PDE10A: variants seen among roughly 807,000 people sequenced by gnomAD.
The protein encoded by PDE10A is phosphodiesterase 10A.
Under a neutral mutation model 97.7 loss-of-function variants are expected in PDE10A, and 39 were observed. The observed-to-expected ratio is 0.40, with a 90% CI of 0.31 to 0.52. The LOEUF (loss-of-function observed/expected upper bound fraction) is 0.52, where lower values mean the gene tolerates loss of function less well. Among genes scored for constraint, PDE10A ranks in the 20% least tolerant of loss-of-function variants. The pLI, the probability that PDE10A is intolerant of heterozygous loss-of-function variation, is 0.56. For synonymous variants in PDE10A, 371 were observed against 376.8 expected (o/e 0.98, Z 0.18); for missense variants, 731 against 1,047.8 (o/e 0.70, Z 4.17).
chr6:165,630,975 T>C (rs1788602534), intron 1 of PDE10A, among the ~76,000 whole-genome samples: 1 of 152,156 alleles, frequency 6.6e-6, no homozygotes, highest in Non-Finnish European at 1.5e-5. Context: ...ATCAGCCCAG[T>C]GTAGTGAATT....
At chr6:165,969,554 G>A (rs987448315) in intron 1 of PDE10A, among the ~76,000 whole-genome samples, 1 of 152,050 alleles carries the variant, frequency 6.6e-6, no homozygotes, top group Non-Finnish European at 1.5e-5. Flanking sequence ...ACTATATTAG[G>A]CTGGCGCAAA....
intron 17 of PDE10A, among the ~76,000 whole-genome samples, chr6:165,381,907 C>T (rs1053848489): frequency 3.3e-5 from 5 of 152,124 alleles, no homozygotes; most frequent in Admixed American, 2.0e-4. Context: ...TCCAACCTCA[C>T]ATTTGTTAAC....
chr6:165,539,176 A>C lies in PDE10A; in HGVS notation c.994+4264T>G, dbSNP rs139067243. Among the ~76,000 whole-genome samples the C allele has an allele frequency of 8.5e-5, 13 of 152,326 alleles. No homozygotes were observed. In the East Asian group the frequency reaches 2.5e-3, roughly 29 times the overall value. ...CTAATTTCCATATATCACTGAAAAA[A>C]TGGTGGTTTGGAATTTAGGTTCAGA... On this transcript the variant is annotated intron_variant, in intron 2 of 21. Transcript: ENST00000539869.
chr6:165,586,289 C>A (rs1785907064), intron 1 of PDE10A, among the ~76,000 whole-genome samples: 1 of 152,118 alleles, frequency 6.6e-6, no homozygotes, highest in South Asian at 2.1e-4. Flanking sequence ...TAATGAGAAT[C>A]AAATAATATT....
chr6:165,578,872 A>G (rs1785462034), intron 1 of PDE10A, among the ~76,000 whole-genome samples: 1 of 152,194 alleles, frequency 6.6e-6, no homozygotes, highest in African/African-American at 2.4e-5. Flanking sequence ...CATCAGTGGG[A>G]TAAGAAGTGT....
At chr6:165,969,220 A>C (rs1285772060) in intron 1 of PDE10A, among the ~76,000 whole-genome samples, 1 of 152,214 alleles carries the variant, frequency 6.6e-6, no homozygotes, top group Non-Finnish European at 1.5e-5. Context: ...AGAAATCAAT[A>C]AGGTGGCAGA....
chr6:165,770,538 A>G (rs4709982), intron 1 of PDE10A, among the ~76,000 whole-genome samples: 103,226 of 152,040 alleles, frequency 0.68, 36,240 homozygotes, highest in East Asian at 0.9. Context: ...GTAAGATCTT[A>G]GAGACATGCC....
chr6:165,530,609 A>AC (rs66513062), intron 2 of PDE10A, among the ~76,000 whole-genome samples: 10,524 of 151,558 alleles, frequency 0.069, 466 homozygotes, highest in African/African-American at 0.11. Flanking sequence ...CTGCACATGT[A>AC]CCCCCCCCAC....
In PDE10A at chr6:165,331,251, G is replaced by C. The variant is rs539500682; in HGVS notation, c.*1774C>G. On this transcript the variant is annotated 3_prime_UTR_variant, in exon 22 of 22. Coordinates refer to ENST00000539869, the MANE Select transcript of PDE10A (RefSeq NM_001385079.1). ...ATGTGTGTGTATATATCTAGCCACA[G>C]TGGTACTTCTCTCTCTTTTGTTATT... The C allele has an allele frequency of 2.0e-5, 3 of 152,262 alleles. No individual in the cohort carries two copies. Among genetic ancestry groups the C allele is most frequent in the Non-Finnish European group, 4.4e-5 (3 of 67,998 alleles). 9.4% of individuals were successfully genotyped at this position (152,262 alleles called of 1,614,324 possible). A position where few individuals can be genotyped will look rare whatever the true frequency, so the allele number is the denominator to read the frequency against.
intron 1 of PDE10A, among the ~76,000 whole-genome samples, chr6:165,813,839 AC>A (rs1377200671): frequency 1.1e-4 from 17 of 152,218 alleles, no homozygotes; most frequent in Admixed American, 5.9e-4. Flanking sequence ...GAGATGGGTC[AC>A]CTACAAGTAC....
intron 1 of PDE10A, among the ~76,000 whole-genome samples, chr6:165,710,739 A>G (rs1159630420): frequency 1.3e-5 from 2 of 152,226 alleles, no homozygotes; most frequent in African/African-American, 4.8e-5. Context: ...CCGTCATTGT[A>G]ATGTTAAATG....
In PDE10A at chr6:165,506,567, G is replaced by A. The variant is rs555820112; in HGVS notation, c.995-24224C>T. Among the ~76,000 whole-genome samples, 13 of 152,200 alleles carry A rather than the reference G, an allele frequency of 8.5e-5. No homozygotes were observed. The South Asian group carries it at 2.1e-3, about 24-fold the overall frequency. On this transcript the variant is annotated intron_variant, in intron 2 of 21. Coordinates refer to ENST00000539869, the MANE Select transcript of PDE10A (RefSeq NM_001385079.1). ...ACACATTTCCAAGTAACAGTGCCACGTCTGATATGGTGAAAAGAAAAATTG... is the reference window on the plus strand; with the variant it reads ...ACACATTTCCAAGTAACAGTGCCACATCTGATATGGTGAAAAGAAAAATTG...
At chr6:165,912,222 T>TACACACACACACACACACAC (rs898784527) in intron 1 of PDE10A, among the ~76,000 whole-genome samples, 2 of 151,722 alleles carry the variant, frequency 1.3e-5, no homozygotes, top group African/African-American at 4.8e-5. Flanking sequence ...ATCACCTATC[T>TACACACACACACACACACAC]ACACACACAC....
intron 1 of PDE10A, among the ~76,000 whole-genome samples, chr6:165,740,459 T>G (rs1270679748): frequency 6.6e-6 from 1 of 152,084 alleles, no homozygotes; most frequent in East Asian, 1.9e-4. Flanking sequence ...GCCTCCTGAG[T>G]AGCTGGGACT....
At chr6:165,748,051 G>A (rs1315775409) in intron 1 of PDE10A, among the ~76,000 whole-genome samples, 1 of 152,118 alleles carries the variant, frequency 6.6e-6, no homozygotes, top group East Asian at 1.9e-4. Flanking sequence ...TATTGGGGAA[G>A]TCCTACACGA....
At chr6:165,850,695 A>G (rs1780550754) in intron 1 of PDE10A, among the ~76,000 whole-genome samples, 1 of 152,212 alleles carries the variant, frequency 6.6e-6, no homozygotes, top group African/African-American at 2.4e-5. Context: ...AACTTCACAG[A>G]GGGCGTGAAT....
intron 1 of PDE10A, among the ~76,000 whole-genome samples, chr6:165,849,891 A>AG (rs1287125513): frequency 2.6e-5 from 4 of 151,968 alleles, no homozygotes; most frequent in Non-Finnish European, 5.9e-5. Context: ...AATCTCTGCA[A>AG]CTCAATAAGC....
intron 1 of PDE10A, among the ~76,000 whole-genome samples, chr6:165,891,327 G>A (rs1221883067): frequency 6.6e-6 from 1 of 152,194 alleles, no homozygotes; most frequent in Non-Finnish European, 1.5e-5. Flanking sequence ...CTGAGGCTCA[G>A]GTGCCACCAG....
At chr6:165,792,432 C>T (rs1457408501) in intron 1 of PDE10A, among the ~76,000 whole-genome samples, 1 of 152,206 alleles carries the variant, frequency 6.6e-6, no homozygotes, top group Non-Finnish European at 1.5e-5. Flanking sequence ...GTAGCCAAAG[C>T]TGCTAGTCAC....
Sources: allele counts gnomAD v4.1 joint callset (sites outside exome capture counted in the v4.1 genomes callset), GRCh38; gene constraint gnomAD v4.1.1; transcripts MANE v1.5; gene names NCBI Gene and HGNC (gene_info 2026-07-23, HGNC 2026-07-21).